Variants in LINGO2 observed in about 807,000 individuals in gnomAD.
The protein encoded by LINGO2 is leucine rich repeat and Ig domain containing 2, also known as leucine-rich repeat and immunoglobulin-like domain-containing nogo receptor-interacting protein 2.
In LINGO2, 14 loss-of-function variants were observed where a neutral mutation model predicts 30.6. The observed-to-expected ratio is 0.46, with a 90% CI of 0.30 to 0.72. The LOEUF (loss-of-function observed/expected upper bound fraction) is 0.72. LINGO2 is among the 30% of genes least tolerant of loss of function. The pLI is 0.07. For missense variants in LINGO2, 729 were observed against 751.7 expected, an observed-to-expected ratio of 0.97 and a Z score of 0.35; for synonymous variants, 317 against 288.5, an observed-to-expected ratio of 1.10 and a Z score of -1.00.
At chr9:29,149,388 G>A in the LINGO2 span, among the ~76,000 whole-genome samples, 1 of 151,994 alleles carries the variant, frequency 6.6e-6, no homozygotes, top group Admixed American at 6.5e-5. Context: ...CCCTCCCACA[G>A]AGAGATCAAA....
At chr9:29,153,123 A>T in the LINGO2 span, among the ~76,000 whole-genome samples, 1 of 152,158 alleles carries the variant, frequency 6.6e-6, no homozygotes, top group Non-Finnish European at 1.5e-5. Flanking sequence ...TGGAAAGTAC[A>T]GTTAAAGAAT....
chr9:28,505,454 A>C (rs10812838), intron 1 of LINGO2, among the ~76,000 whole-genome samples: 83,547 of 151,692 alleles, frequency 0.55, 23,282 homozygotes, highest in Middle Eastern at 0.7. Flanking sequence ...TAAGTTTTGG[A>C]AAGTTGAAAA....
chr9:28,501,437 C>T (rs1168330399), intron 1 of LINGO2, among the ~76,000 whole-genome samples: 1 of 152,006 alleles, frequency 6.6e-6, no homozygotes, highest in Non-Finnish European at 1.5e-5. Context: ...TTGAATGAAG[C>T]AAAGAACATT....
intron 4 of LINGO2, among the ~76,000 whole-genome samples, chr9:28,028,206 T>C (rs998686598): frequency 1.3e-5 from 2 of 152,202 alleles, no homozygotes; most frequent in African/African-American, 4.8e-5. Flanking sequence ...ATAGAAAACA[T>C]ACCAAAGAGC....
chr9:28,048,856 G>A (rs1824543989), intron 4 of LINGO2, among the ~76,000 whole-genome samples: 1 of 150,462 alleles, frequency 6.6e-6, no homozygotes. Context: ...ATATATATAT[G>A]TAGTTTGTGT....
the LINGO2 span, among the ~76,000 whole-genome samples, chr9:28,933,258 T>A: frequency 4.6e-5 from 7 of 152,126 alleles, no homozygotes; most frequent in African/African-American, 1.7e-4. Flanking sequence ...GGGATCTCCC[T>A]AAAATATAAT....
At chr9:28,258,921 C>CA (rs36088138) in intron 4 of LINGO2, among the ~76,000 whole-genome samples, 65,757 of 146,238 alleles carry the variant, frequency 0.45, 15,521 homozygotes, top group Non-Finnish European at 0.56. Flanking sequence ...TTTCATAAGT[C>CA]AAAAAAAAAA....
At chr9:29,004,195 T>C in the LINGO2 span, among the ~76,000 whole-genome samples, 1 of 152,014 alleles carries the variant, frequency 6.6e-6, no homozygotes, top group South Asian at 2.1e-4. Flanking sequence ...CATAAGTATA[T>C]GCTCATTTTA....
At chr9:28,231,237 A>G (rs977500725) in intron 4 of LINGO2, among the ~76,000 whole-genome samples, 18 of 151,990 alleles carry the variant, frequency 1.2e-4, no homozygotes, top group African/African-American at 4.3e-4. Context: ...TTGGAAGGTG[A>G]AGGAGGACAA....
intron 3 of LINGO2, among the ~76,000 whole-genome samples, chr9:28,366,539 C>T (rs968637859): frequency 2.0e-5 from 3 of 152,098 alleles, no homozygotes; most frequent in Non-Finnish European, 4.4e-5. Flanking sequence ...TTCTTAGCTC[C>T]TTTAAGAGGG....
At chr9:28,641,963 A>T (rs7851292) in intron 1 of LINGO2, among the ~76,000 whole-genome samples, 55,826 of 151,454 alleles carry the variant, frequency 0.37, 11,496 homozygotes, top group African/African-American at 0.54. Context: ...TAGTCCTTAC[A>T]AGTTCCCATG....
At chr9:28,455,160 A>G (rs1331889) in intron 2 of LINGO2, among the ~76,000 whole-genome samples, 93,843 of 151,652 alleles carry the variant, frequency 0.62, 29,401 homozygotes, top group South Asian at 0.74. Flanking sequence ...CACATAGAAT[A>G]TGAGTTGTAG....
chr9:29,192,902 A>C, the LINGO2 span, among the ~76,000 whole-genome samples: 1 of 152,184 alleles, frequency 6.6e-6, no homozygotes, highest in Non-Finnish European at 1.5e-5. Flanking sequence ...TCCACTTGTC[A>C]AACTATGCGG....
intron 3 of LINGO2, among the ~76,000 whole-genome samples, chr9:28,348,819 C>T (rs1052514330): frequency 4.6e-5 from 7 of 152,032 alleles, no homozygotes; most frequent in Admixed American, 1.3e-4. Flanking sequence ...GGCAGACTGC[C>T]TCCTCAAGTG....
intron 2 of LINGO2, among the ~76,000 whole-genome samples, chr9:28,473,939 A>T (rs1825627156): frequency 6.6e-6 from 1 of 152,196 alleles, no homozygotes; most frequent in South Asian, 2.1e-4. Context: ...TATGATAAAA[A>T]ACATTCCATC....
At chr9:28,117,586 G>A (rs1826959294) in intron 4 of LINGO2, among the ~76,000 whole-genome samples, 1 of 105,980 alleles carries the variant, frequency 9.4e-6, no homozygotes, top group African/African-American at 3.7e-5. Flanking sequence ...AGGACCCTCT[G>A]AGCCAGGTGT....
At position 28,084,905 on chromosome 9, in the gene LINGO2, A is replaced by G. The variant is rs76893999; in HGVS notation, c.-86-72500T>C. The stretch of plus-strand genomic sequence containing the variant: ...TGGGTGAGGGCCCTTGGAGAAGGAA[A>G]GTATGAGAAGATCTTTTGCAGGAGC... On this transcript the variant is annotated intron_variant, in intron 4 of 5. Transcript: ENST00000379992. Among the ~76,000 whole-genome samples, 754 of 152,254 alleles carry G rather than the reference A, an allele frequency of 5.0e-3. 2 individuals carry two copies. The highest frequency in any genetic ancestry group is 8.9e-3 in the Non-Finnish European group (608 of 68,008).
intron 1 of LINGO2, among the ~76,000 whole-genome samples, chr9:28,611,674 T>C (rs1266287641): frequency 6.6e-6 from 1 of 152,134 alleles, no homozygotes; most frequent in Admixed American, 6.5e-5. Context: ...TCATTTAGCA[T>C]AATGTCTTCC....
chr9:28,045,673 C>T (rs1036543707), intron 4 of LINGO2, among the ~76,000 whole-genome samples: 5 of 152,108 alleles, frequency 3.3e-5, no homozygotes, highest in Non-Finnish European at 5.9e-5. Context: ...GAATATTGAC[C>T]AAATTAAACA....
Sources: gnomAD v4.1 joint callset for allele counts (sites outside exome capture counted in the v4.1 genomes callset) on GRCh38, gnomAD v4.1.1 for gene constraint, MANE v1.5 for transcripts, NCBI Gene and HGNC (gene_info 2026-07-23, HGNC 2026-07-21) for gene names.